Variants in ATP8A2 observed in about 807,000 individuals in gnomAD.
The protein encoded by ATP8A2 is phospholipid-transporting ATPase IB.
A neutral mutation model predicts 165.6 loss-of-function variants in ATP8A2; 100 were observed. The observed-to-expected ratio is 0.60, with a 90% CI of 0.51 to 0.71. ATP8A2 has a LOEUF of 0.71. Ranked by LOEUF, ATP8A2 falls within the 30% of genes least tolerant of loss-of-function variation. The pLI is 0.00. For missense variants in ATP8A2, 1,227 were observed against 1,479.5 expected (o/e 0.83, Z 2.80); for synonymous variants, 543 against 548.8 (o/e 0.99, Z 0.15).
intron 27 of ATP8A2, among the ~76,000 whole-genome samples, chr13:25,792,184 A>C (rs1411517494): frequency 6.6e-6 from 1 of 152,216 alleles, no homozygotes; most frequent in African/African-American, 2.4e-5. Context: ...TAAACAATGT[A>C]CCGATATCAG....
At chr13:25,816,525 G>A (rs560963118) in intron 27 of ATP8A2, among the ~76,000 whole-genome samples, 30 of 152,258 alleles carry the variant, frequency 2.0e-4, no homozygotes, top group Non-Finnish European at 3.4e-4. Flanking sequence ...TCCTCCAGAC[G>A]TAACCTGTTT....
At chr13:25,663,481 G>GTAA in intron 24 of ATP8A2, among the ~76,000 whole-genome samples, 1 of 152,260 alleles carries the variant, frequency 6.6e-6, no homozygotes, top group East Asian at 1.9e-4. Context: ...GACACCTGAT[G>GTAA]TAATATTCAC....
rs1369005024 is a variant in ATP8A2 at position 25,459,035 on chromosome 13, G to A, written c.77-9942G>A. The stretch of plus-strand genomic sequence containing the variant: ...CAGACATAATCCAAATGCCAGCAAG[G>A]GGACCAGGGATGTCATTCTGCAGAC... On this transcript the variant is annotated intron_variant, in intron 1 of 36. Coordinates refer to ENST00000381655, the MANE Select transcript of ATP8A2 (RefSeq NM_016529.6). Among the ~76,000 whole-genome samples the A allele has an allele frequency of 2.0e-5, 3 of 152,250 alleles. No homozygotes were observed. In the East Asian group the frequency reaches 5.8e-4, roughly 29 times the overall value.
chr13:25,443,357 C>T lies in ATP8A2; in HGVS notation c.77-25620C>T, dbSNP rs182383723. ...TCCTTGAGATATGGTGAAGGGTAAACGTGAGCTTTGTTGGATTTTTCCTCC... is the reference window on the plus strand; with the variant it reads ...TCCTTGAGATATGGTGAAGGGTAAATGTGAGCTTTGTTGGATTTTTCCTCC... On this transcript the variant is annotated intron_variant, in intron 1 of 36. Transcript: ENST00000381655. 1.2e-4 allele frequency among the ~76,000 whole-genome samples: 19 copies of T among 152,192 alleles called. No homozygotes were observed. In the East Asian group the frequency reaches 2.7e-3, roughly 22 times the overall value.
intron 16 of ATP8A2, chr13:25,567,323 A>G: frequency 2.2e-6 from 1 of 456,528 alleles, no homozygotes; most frequent in Non-Finnish European, 4.4e-6. Flanking sequence ...TCCCCTACCC[A>G]CTGCTTTTTC....
At chr13:25,835,982 C>T (rs149736153) in intron 28 of ATP8A2, among the ~76,000 whole-genome samples, 63 of 152,242 alleles carry the variant, frequency 4.1e-4, no homozygotes, top group Non-Finnish European at 7.2e-4. Flanking sequence ...ATGAGCTGAG[C>T]AGAGGAGGCC....
chr13:25,552,793 A>T (rs2038863593), intron 11 of ATP8A2, among the ~76,000 whole-genome samples: 1 of 152,146 alleles, frequency 6.6e-6, no homozygotes, highest in African/African-American at 2.4e-5. Context: ...GGTAGTGAGT[A>T]GGAAGTGAAG....
intron 1 of ATP8A2, among the ~76,000 whole-genome samples, chr13:25,383,571 C>T (rs950890448): frequency 6.6e-6 from 1 of 152,168 alleles, no homozygotes; most frequent in Non-Finnish European, 1.5e-5. Flanking sequence ...GAAGTTTTAA[C>T]TTTAGCGAAA....
At chr13:25,956,790 C>A (rs1367000887) in intron 33 of ATP8A2, among the ~76,000 whole-genome samples, 1 of 152,156 alleles carries the variant, frequency 6.6e-6, no homozygotes, top group African/African-American at 2.4e-5. Context: ...CATATGGAAT[C>A]AAAAAAGAGC....
rs115117269 is a variant in ATP8A2, at chr13:25,618,878, G to A, written c.2211+29179G>A. On this transcript the variant is annotated intron_variant, in intron 24 of 36. Transcript: ENST00000381655. ...TGGTGGAAAAGGGCTTGCTCAATCC[G>A]CTTCTTAGCATTGAAATGAAAGAAC... Among the ~76,000 whole-genome samples the A allele has an allele frequency of 8.2e-3, 1,254 of 152,068 alleles. 16 individuals carry two copies. The highest frequency in any genetic ancestry group is 0.029 in the African/African-American group (1,199 of 41,472).
At chr13:25,602,896 C>A (rs902277706) in intron 24 of ATP8A2, among the ~76,000 whole-genome samples, 1 of 151,832 alleles carries the variant, frequency 6.6e-6, no homozygotes, top group Non-Finnish European at 1.5e-5. Context: ...ATGGTGAAAT[C>A]CTGTCTCAAC....
chr13:25,482,532 G>C lies in ATP8A2; in HGVS notation c.221+13411G>C, dbSNP rs118067339. On this transcript the variant is annotated intron_variant, in intron 2 of 36. Coordinates refer to ENST00000381655, the MANE Select transcript of ATP8A2 (RefSeq NM_016529.6). Reference sequence around the variant, plus strand: ...GACATGGGGAACCCCATGTGCAGAGGTGCAGAAGAGTGTAACGGCCAGGTG... The same window carrying C: ...GACATGGGGAACCCCATGTGCAGAGCTGCAGAAGAGTGTAACGGCCAGGTG... 2.4e-4 allele frequency among the ~76,000 whole-genome samples: 37 copies of C among 152,238 alleles called. No homozygotes were observed. The East Asian group carries it at 7.2e-3, about 29-fold the overall frequency.
chr13:25,535,254 ATAATC>A (rs1337366420), intron 6 of ATP8A2, among the ~76,000 whole-genome samples: 1 of 152,166 alleles, frequency 6.6e-6, no homozygotes, highest in Non-Finnish European at 1.5e-5. Flanking sequence ...CAAAATGATA[ATAATC>A]TAATCTGAAG....
intron 24 of ATP8A2, among the ~76,000 whole-genome samples, chr13:25,622,713 G>A (rs896492873): frequency 1.3e-5 from 2 of 152,120 alleles, no homozygotes; most frequent in African/African-American, 4.8e-5. Context: ...ATCTCCAGGG[G>A]AATAAAAGAC....
intron 35 of ATP8A2, among the ~76,000 whole-genome samples, chr13:26,002,262 C>T (rs1471165684): frequency 1.3e-5 from 2 of 152,100 alleles, no homozygotes; most frequent in African/African-American, 4.8e-5. Flanking sequence ...TCATGTCCTT[C>T]ATAGCAACAT....
chr13:25,733,843 C>G (rs1361392649), intron 25 of ATP8A2, among the ~76,000 whole-genome samples: 1 of 102,080 alleles, frequency 9.8e-6, no homozygotes, highest in African/African-American at 3.9e-5. Context: ...CTCCTGAACA[C>G]AAAATTATAA....
intron 29 of ATP8A2, 141 bp downstream of exon 29, chr13:25,837,426 CACACACACA>C (rs1326423113): frequency 0.072 from 803 of 11,104 alleles, 9 homozygotes; most frequent in African/African-American, 0.091. Context: ...CCCACCACCA[CACACACACA>C]CACACACACA....
chr13:25,389,003 A>G (rs1175728456), intron 1 of ATP8A2, among the ~76,000 whole-genome samples: 1 of 152,170 alleles, frequency 6.6e-6, no homozygotes, highest in Non-Finnish European at 1.5e-5. Flanking sequence ...CAGCAGGGGG[A>G]TTCAGTGAGC....
chr13:25,757,052 C>A (rs1489330164), intron 25 of ATP8A2, among the ~76,000 whole-genome samples: 2 of 152,160 alleles, frequency 1.3e-5, no homozygotes, highest in African/African-American at 4.8e-5. Flanking sequence ...CGCCTGAGTT[C>A]TTTTCTCCTT....
Sources: gnomAD v4.1 joint callset for allele counts (sites outside exome capture counted in the v4.1 genomes callset) on GRCh38, gnomAD v4.1.1 for gene constraint, MANE v1.5 for transcripts, NCBI Gene and HGNC (gene_info 2026-07-23, HGNC 2026-07-21) for gene names.